Variants in TGFB3 observed in about 807,000 individuals in gnomAD.
TGFB3 encodes transforming growth factor beta-3 proprotein.
Under a neutral mutation model 40.1 loss-of-function variants are expected in TGFB3, and 5 were observed. That is an observed-to-expected ratio of 0.12 (90% confidence interval 0.07 to 0.26). The LOEUF (loss-of-function observed/expected upper bound fraction) is 0.26, where lower values mean the gene tolerates loss of function less well. Ranked by LOEUF, TGFB3 falls within the 10% of genes least tolerant of loss-of-function variation. The pLI, the probability that TGFB3 is intolerant of heterozygous loss-of-function variation, is 1.00. For missense variants in TGFB3, 373 were observed against 530.1 expected, an observed-to-expected ratio of 0.70 and a Z score of 2.91; for synonymous variants, 184 against 205.6, an observed-to-expected ratio of 0.89 and a Z score of 0.90.
Position 75,974,918 on chromosome 14 carries a change from C to T in TGFB3, c.353-3200G>A, listed in dbSNP as rs577198483. On this transcript the variant is annotated intron_variant, in intron 1 of 6. Coordinates refer to ENST00000238682, the MANE Select transcript of TGFB3 (RefSeq NM_003239.5). ...CCAGCCTGGCCAACATGGTGAAACC[C>T]CATCTCTATAAAAAATACGAAAATT... is the stretch of plus-strand genomic sequence containing the variant. 1.6e-4 allele frequency among the ~76,000 whole-genome samples: 24 copies of T among 152,070 alleles called. No individual in the cohort carries two copies. In the South Asian group the frequency reaches 4.6e-3, roughly 29 times the overall value.
chr14:75,980,490 G>T lies in TGFB3; in HGVS notation c.352+52C>A. 6 of 1,584,138 alleles carry T rather than the reference G, an allele frequency of 3.8e-6. No individual in the cohort carries two copies. The South Asian group carries it at 5.5e-5, about 15-fold the overall frequency. On this transcript the variant is annotated intron_variant, in intron 1 of 6. Coordinates refer to ENST00000238682, the MANE Select transcript of TGFB3 (RefSeq NM_003239.5). The surrounding 1 kb of genome is among the most constrained non-coding windows in gnomAD (Gnocchi z 4.3). ...TAGGCCCCCCTCTGCAGAGCTCCCA[G>T]CTCCAGTTCAGACCCTCCAGAGCAG...
chr14:75,964,485 G>A (rs1019391413), intron 4 of TGFB3, among the ~76,000 whole-genome samples: 35 of 152,140 alleles, frequency 2.3e-4, no homozygotes, highest in African/African-American at 8.2e-4. Flanking sequence ...GGAAAAGACT[G>A]GAGACTGACT....
intron 3 of TGFB3, among the ~76,000 whole-genome samples, chr14:75,968,905 G>A (rs1315513603): frequency 6.6e-6 from 1 of 152,152 alleles, no homozygotes; most frequent in Non-Finnish European, 1.5e-5. Context: ...TGAGAAAATC[G>A]AGCCAGCACA....
intron 1 of TGFB3, among the ~76,000 whole-genome samples, chr14:75,976,078 A>T (rs1225802034): frequency 1.3e-5 from 2 of 152,258 alleles, no homozygotes; most frequent in Admixed American, 1.3e-4. Flanking sequence ...ACCAGGAAAT[A>T]GCTGACCATG....
At position 75,979,699 on chromosome 14, in the gene TGFB3, C is replaced by A. The variant is rs978199803; in HGVS notation, c.352+843G>T. Among the ~76,000 whole-genome samples the A allele has an allele frequency of 1.0e-4, 15 of 149,882 alleles. No homozygotes were observed. Among genetic ancestry groups the A allele is most frequent in the Non-Finnish European group, 1.6e-4 (11 of 66,954 alleles). ...GGACGGCAGGCTCCCAGACATATCCCCCCCCCCCACCATGCACCCACTGCC... is the reference window on the plus strand; with the variant it reads ...GGACGGCAGGCTCCCAGACATATCCACCCCCCCCACCATGCACCCACTGCC... On this transcript the variant is annotated intron_variant, in intron 1 of 6. Transcript: ENST00000238682. The surrounding 1 kb of genome is among the most constrained non-coding windows in gnomAD (Gnocchi z 4.8).
intron 6 of TGFB3, 55 bp from the exon 7 acceptor site, chr14:75,959,400 C>T (rs967413744): frequency 3.7e-6 from 6 of 1,609,434 alleles, no homozygotes; most frequent in Middle Eastern, 2.0e-4. Context: ...GGCCTGGAAC[C>T]CAGGAAGTCG....
chr14:75,982,320 G>A (rs920837219), upstream of TGFB3, among the ~76,000 whole-genome samples: 8 of 152,256 alleles, frequency 5.3e-5, no homozygotes, highest in Non-Finnish European at 1.2e-4. This position sits in a 1 kb window ranked among gnomAD's most constrained non-coding sequence, Gnocchi z 4.0. Context: ...GCCGTCCGCG[G>A]CCCGCGTCTA....
intron 4 of TGFB3, among the ~76,000 whole-genome samples, chr14:75,965,355 C>G (rs1433897745): frequency 2.6e-5 from 4 of 152,232 alleles, no homozygotes; most frequent in Non-Finnish European, 5.9e-5. Context: ...AGTTTCACCA[C>G]TTACCAGTAC....
intron 1 of TGFB3, among the ~76,000 whole-genome samples, chr14:75,972,979 C>G (rs776334401): frequency 1.3e-5 from 2 of 152,160 alleles, no homozygotes; most frequent in Non-Finnish European, 2.9e-5. Context: ...ACCTGCTGGC[C>G]TCTTCATCCC....
intron 6 of TGFB3, 66 bp from the exon 7 acceptor site, chr14:75,959,411 C>T: frequency 1.2e-6 from 2 of 1,601,502 alleles, no homozygotes; most frequent in Admixed American, 1.7e-5. Flanking sequence ...CAGGAAGTCG[C>T]CCAGTTCCAG....
In TGFB3 at chr14:75,980,932, C is replaced by T. The variant is rs1242889578; in HGVS notation, c.-39G>A. On this transcript the variant is annotated 5_prime_UTR_variant, in exon 1 of 7. Transcript: ENST00000238682. The surrounding 1 kb of genome is among the most constrained non-coding windows in gnomAD (Gnocchi z 4.3). ...AGAGAGGCCAGGGGGACGGCAAGGC[C>T]TGGAGAGGAAGAGACCCCAGCAGAC... 4.4e-6 allele frequency: 7 copies of T among 1,597,218 alleles called. No individual in the cohort carries two copies. The highest frequency in any genetic ancestry group is 2.2e-5 in the South Asian group (2 of 90,682).
At position 75,971,551 on chromosome 14, in the gene TGFB3, T is replaced by A. The variant is rs1252391096; in HGVS notation, c.516+4A>T. The A allele has an allele frequency of 1.9e-6, 3 of 1,613,832 alleles. No homozygotes were observed. The Admixed American group carries it at 5.0e-5, about 27-fold the overall frequency. On this transcript the variant is annotated splice_donor_region_variant and intron_variant, in intron 2 of 6. Transcript: ENST00000238682. This position sits in a 1 kb window ranked among gnomAD's most constrained non-coding sequence, Gnocchi z 4.5. ...TGTGGTTTCTGCTCTGAGAGAGGAG[T>A]TACCTGGAAGAGCTCGATCCTCTGC...
chr14:75,973,313 ATGAG>A (rs1233426435), intron 1 of TGFB3, among the ~76,000 whole-genome samples: 1 of 152,220 alleles, frequency 6.6e-6, no homozygotes, highest in Admixed American at 6.5e-5. Context: ...TCAGGAAAGG[ATGAG>A]TGAGTGTTTC....
chr14:75,971,731 G>A lies in TGFB3; in HGVS notation c.353-13C>T. 1 of 1,614,066 alleles carries A rather than the reference G, an allele frequency of 6.2e-7. No homozygotes were observed. The highest frequency in any genetic ancestry group is 8.5e-7 in the Non-Finnish European group (1 of 1,179,988). On this transcript the variant is annotated splice_polypyrimidine_tract_variant and intron_variant, in intron 1 of 6. Coordinates refer to ENST00000238682, the MANE Select transcript of TGFB3 (RefSeq NM_003239.5). This position sits in a 1 kb window ranked among gnomAD's most constrained non-coding sequence, Gnocchi z 4.5. ...ACAGCCAGTTCGTCTAGGAGATAAA[G>A]CAGAGCAGAGGGCACAGCATGAGCG...
intron 5 of TGFB3, chr14:75,962,979 C>G: frequency 6.9e-6 from 3 of 434,198 alleles, no homozygotes; most frequent in Non-Finnish European, 1.3e-5. Context: ...CACATACACT[C>G]TACAAGTGCT....
rs1221353422 is a variant in TGFB3, at chr14:75,971,674, G to C, written c.397C>G (p.Arg133Gly). 1 of 1,614,250 alleles carries C rather than the reference G, an allele frequency of 6.2e-7. No individual in the cohort carries two copies. Among genetic ancestry groups the C allele is most frequent in the South Asian group, 1.1e-5 (1 of 91,082 alleles). ...CPKGITSKVF[R>G]FNVSSVEKNR... ...TTCTCCACTGAGGACACATTGAAGC[G>C]GAAAACCTTGGAGGTAATTCCTTTA... The change falls in exon 2 of 7, where the codon CGC becomes GGC. Residue 133 changes from arginine (R) to glycine (G), a missense_variant. Coordinates refer to ENST00000238682, the MANE Select transcript of TGFB3 (RefSeq NM_003239.5). This position sits in a 1 kb window ranked among gnomAD's most constrained non-coding sequence, Gnocchi z 4.5.
intron 3 of TGFB3, among the ~76,000 whole-genome samples, chr14:75,969,564 G>T (rs1257954132): frequency 2.0e-5 from 3 of 152,154 alleles, no homozygotes. Flanking sequence ...AAATACATTT[G>T]ATCCTTAAAA....
Position 75,981,111 on chromosome 14 carries a change from G to T in TGFB3, c.-218C>A. Reference sequence around the variant, plus strand: ...GACGAAGAAGCGGACTGTGTGCCTTGTAGCGCTGGGATTCTTGTCCATGTG... The same window carrying T: ...GACGAAGAAGCGGACTGTGTGCCTTTTAGCGCTGGGATTCTTGTCCATGTG... On this transcript the variant is annotated 5_prime_UTR_variant, in exon 1 of 7. Transcript: ENST00000238682. This position sits in a 1 kb window ranked among gnomAD's most constrained non-coding sequence, Gnocchi z 4.7. The T allele has an allele frequency of 1.7e-6, 1 of 593,320 alleles. No homozygotes were observed. Among genetic ancestry groups the T allele is most frequent in the South Asian group, 1.9e-5 (1 of 51,752 alleles). The allele number at this position is 593,320 out of a possible 1,614,324, so 36.8% of individuals were successfully genotyped here.
Position 75,978,823 on chromosome 14 carries a change from G to T in TGFB3, c.352+1719C>A, listed in dbSNP as rs3917154. On this transcript the variant is annotated intron_variant, in intron 1 of 6. Transcript: ENST00000238682. This position sits in a 1 kb window ranked among gnomAD's most constrained non-coding sequence, Gnocchi z 5.0. The stretch of plus-strand genomic sequence containing the variant: ...CAGCTCAGGATTCCGGGATGGGGGG[G>T]TCCTGGTGACTCAGAATGCTTCCTC... Among the ~76,000 whole-genome samples the T allele has an allele frequency of 0.016, 2,398 of 152,242 alleles. 60 individuals carry two copies. Among genetic ancestry groups the T allele is most frequent in the African/African-American group, 0.055 (2,284 of 41,494 alleles).
Sources: allele counts gnomAD v4.1 joint callset (sites outside exome capture counted in the v4.1 genomes callset), GRCh38; gene constraint gnomAD v4.1.1; non-coding constraint Gnocchi (gnomAD v3.1); transcripts MANE v1.5; gene names NCBI Gene and HGNC (gene_info 2026-07-23, HGNC 2026-07-21).